The following GRM7 variants were observed in gnomAD, a reference collection of about 807,000 sequenced individuals.
The protein encoded by GRM7 is glutamate metabotropic receptor 7, also known as metabotropic glutamate receptor 7.
A neutral mutation model predicts 84.5 loss-of-function variants in GRM7; 35 were observed. The ratio of observed to expected loss-of-function variants is 0.41; its 90% confidence interval spans 0.32 to 0.55. The LOEUF is 0.55. GRM7 is among the 20% of genes least tolerant of loss of function. The pLI, the probability that GRM7 is intolerant of heterozygous loss-of-function variation, is 0.19. For synonymous variants in GRM7, 487 were observed against 455.1 expected, an observed-to-expected ratio of 1.07 and a Z score of -0.89; for missense variants, 1,003 against 1,194.6, an observed-to-expected ratio of 0.84 and a Z score of 2.36.
intron 2 of GRM7, among the ~76,000 whole-genome samples, chr3:7,219,115 T>A (rs1044638750): frequency 6.6e-6 from 1 of 152,200 alleles, no homozygotes; most frequent in Non-Finnish European, 1.5e-5. Context: ...TTAACTCCTC[T>A]GAAGTTCATT....
At chr3:7,372,358 C>G (rs1433855238) in intron 4 of GRM7, among the ~76,000 whole-genome samples, 1 of 152,080 alleles carries the variant, frequency 6.6e-6, no homozygotes, top group Non-Finnish European at 1.5e-5. Flanking sequence ...CAGTTGTGTA[C>G]AATCTTATAA....
At chr3:7,092,518 T>G (rs1472397954) in intron 1 of GRM7, among the ~76,000 whole-genome samples, 1 of 152,078 alleles carries the variant, frequency 6.6e-6, no homozygotes, top group East Asian at 1.9e-4. Context: ...GTCAAATGCT[T>G]ACTGACAGTG....
chr3:7,556,647 C>T (rs191874370), intron 7 of GRM7, among the ~76,000 whole-genome samples: 5 of 152,152 alleles, frequency 3.3e-5, no homozygotes, highest in East Asian at 3.8e-4. Context: ...CCTCACTGAA[C>T]GTGGCACTTA....
At chr3:6,916,874 T>G (rs886109756) in intron 1 of GRM7, among the ~76,000 whole-genome samples, 1 of 152,206 alleles carries the variant, frequency 6.6e-6, no homozygotes, top group African/African-American at 2.4e-5. Flanking sequence ...AAAAAATGTT[T>G]CTAAGAAACT....
intron 2 of GRM7, among the ~76,000 whole-genome samples, chr3:7,276,780 T>TTCCCTCCCTCCCTCCC (rs371850515): frequency 0.022 from 2 of 90 alleles, no homozygotes; most frequent in African/African-American, 0.045. Context: ...CCTTCCTTCC[T>TTCCCTCCCTCCCTCCC]TCCTTCCTTC....
At chr3:7,268,757 C>A (rs1300348771) in intron 2 of GRM7, among the ~76,000 whole-genome samples, 1 of 152,084 alleles carries the variant, frequency 6.6e-6, no homozygotes, top group African/African-American at 2.4e-5. Flanking sequence ...TAAAACTGGC[C>A]AATTTGGGGA....
At chr3:7,055,477 CTGTGTGTG>C (rs148298277) in intron 1 of GRM7, among the ~76,000 whole-genome samples, 20 of 143,668 alleles carry the variant, frequency 1.4e-4, no homozygotes, top group South Asian at 2.3e-4. Flanking sequence ...TTTTATATAT[CTGTGTGTG>C]TGTGTGTGTG....
At chr3:7,108,678 G>A (rs1692739940) in intron 1 of GRM7, among the ~76,000 whole-genome samples, 1 of 151,952 alleles carries the variant, frequency 6.6e-6, no homozygotes, top group Non-Finnish European at 1.5e-5. Context: ...CCAGATTAGA[G>A]GCCACTGGTT....
At chr3:7,678,748 C>T (rs557433221) in intron 8 of GRM7, among the ~76,000 whole-genome samples, 4 of 152,094 alleles carry the variant, frequency 2.6e-5, no homozygotes, top group South Asian at 2.1e-4. Flanking sequence ...TATTTCCAGA[C>T]GAGATGGCAA....
intron 2 of GRM7, among the ~76,000 whole-genome samples, chr3:7,255,689 T>C (rs1698169143): frequency 6.6e-6 from 1 of 152,214 alleles, no homozygotes; most frequent in African/African-American, 2.4e-5. Context: ...GGGTGAAATT[T>C]CTAGCGGTAA....
intron 7 of GRM7, among the ~76,000 whole-genome samples, chr3:7,465,985 T>A (rs1445127977): frequency 1.3e-5 from 2 of 152,176 alleles, no homozygotes; most frequent in Non-Finnish European, 2.9e-5. Flanking sequence ...ACCAGGATAT[T>A]TCTGCTGAAC....
intron 1 of GRM7, among the ~76,000 whole-genome samples, chr3:7,017,804 G>A (rs1695629945): frequency 6.6e-6 from 1 of 152,176 alleles, no homozygotes; most frequent in African/African-American, 2.4e-5. Context: ...GAATTACTGT[G>A]AGCTATGGTT....
At chr3:7,085,818 A>G (rs895081779) in intron 1 of GRM7, among the ~76,000 whole-genome samples, 1 of 152,166 alleles carries the variant, frequency 6.6e-6, no homozygotes, top group African/African-American at 2.4e-5. Flanking sequence ...CTCTTGGAAT[A>G]TTGATCTTAT....
At chr3:7,172,809 A>G (rs1286192618) in intron 2 of GRM7, among the ~76,000 whole-genome samples, 4 of 152,016 alleles carry the variant, frequency 2.6e-5, no homozygotes, top group African/African-American at 7.2e-5. Flanking sequence ...TGAACTATGG[A>G]TGTTTAATAG....
chr3:7,209,546 G>T (rs1402403262), intron 2 of GRM7, among the ~76,000 whole-genome samples: 1 of 152,216 alleles, frequency 6.6e-6, no homozygotes, highest in Non-Finnish European at 1.5e-5. Context: ...AGCTTTAAAA[G>T]AAGATGCAGT....
At chr3:7,361,998 C>T (rs79618643) in intron 4 of GRM7, among the ~76,000 whole-genome samples, 11,078 of 152,132 alleles carry the variant, frequency 0.073, 426 homozygotes, top group Non-Finnish European at 0.09. Context: ...CATGTTGATT[C>T]ATCAGGCACA....
At chr3:7,532,524 A>T (rs1701077837) in intron 7 of GRM7, among the ~76,000 whole-genome samples, 1 of 151,750 alleles carries the variant, frequency 6.6e-6, no homozygotes, top group African/African-American at 2.4e-5. Flanking sequence ...CTTCTTTATT[A>T]GTCTGGCTAG....
chr3:7,129,062 A>G (rs1353563018), intron 1 of GRM7, among the ~76,000 whole-genome samples: 3 of 152,170 alleles, frequency 2.0e-5, no homozygotes, highest in Admixed American at 6.5e-5. Context: ...CAGAGTTGGT[A>G]TGTTATAAAG....
chr3:7,669,080 C>T (rs147568762), intron 8 of GRM7, among the ~76,000 whole-genome samples: 15 of 152,330 alleles, frequency 9.8e-5, no homozygotes, highest in Admixed American at 3.3e-4. Flanking sequence ...GCATGCTTGA[C>T]GCCAATTCTA....
Sources: allele counts gnomAD v4.1 joint callset (sites outside exome capture counted in the v4.1 genomes callset), GRCh38; gene constraint gnomAD v4.1.1; transcripts MANE v1.5; gene names NCBI Gene and HGNC (gene_info 2026-07-23, HGNC 2026-07-21).